Variants in TMPRSS2 observed in about 807,000 individuals in gnomAD.
TMPRSS2 encodes transmembrane protease serine 2.
In TMPRSS2, 59 loss-of-function variants were observed where a neutral mutation model predicts 67.4. The observed-to-expected ratio is 0.88, with a 90% CI of 0.71 to 1.09. TMPRSS2 has a LOEUF of 1.09. Ranked by LOEUF, TMPRSS2 falls within the 50% of genes least tolerant of loss-of-function variation. The pLI, the probability that TMPRSS2 is intolerant of heterozygous loss-of-function variation, is 0.00. For missense variants in TMPRSS2, 668 were observed against 642.7 expected (o/e 1.04, Z -0.43); for synonymous variants, 257 against 257.0 (o/e 1.00, Z 0.00).
Position 41,494,421 on chromosome 21 carries a change from G to C in TMPRSS2, c.173C>G (p.Thr58Arg), listed in dbSNP as rs770214639. 6.2e-7 allele frequency: 1 copy of C among 1,612,258 alleles called. No individual in the cohort carries two copies. The highest frequency in any genetic ancestry group is 1.1e-5 in the South Asian group (1 of 90,784). The stretch of plus-strand genomic sequence containing the variant: ...GCAGACGACGGGGTTGGAAGCCTGC[G>C]TCAGGACCCTCGGGGCGTACTGGGG... The part of the protein sequence containing the change: ...PVPQYAPRVL[T>R]QASNPVVCTQ... The change falls in exon 3 of 14, where the codon ACG becomes AGG. Residue 58 changes from threonine to arginine, a missense_variant. By Grantham distance (71) the Thr-to-Arg change is moderately conservative. Transcript: ENST00000332149.
chr21:41,499,901 C>T (rs1013164125), intron 1 of TMPRSS2, among the ~76,000 whole-genome samples: 4 of 152,104 alleles, frequency 2.6e-5, no homozygotes, highest in African/African-American at 9.7e-5. Context: ...TTTTAAGAAA[C>T]GGGGTTCAAG....
intron 1 of TMPRSS2, among the ~76,000 whole-genome samples, chr21:41,500,770 A>C (rs1020686322): frequency 1.2e-4 from 19 of 152,240 alleles, no homozygotes; most frequent in African/African-American, 4.6e-4. Context: ...AATGTATCAA[A>C]AACGTTTAAG....
intron 9 of TMPRSS2, among the ~76,000 whole-genome samples, chr21:41,472,470 G>A (rs960039529): frequency 2.0e-5 from 3 of 152,098 alleles, no homozygotes; most frequent in African/African-American, 7.2e-5. Context: ...GTGAAGAGGG[G>A]GAGAGAAGGG....
chr21:41,473,713 C>T (rs1241212703), intron 8 of TMPRSS2, among the ~76,000 whole-genome samples: 1 of 151,690 alleles, frequency 6.6e-6, no homozygotes, highest in Non-Finnish European at 1.5e-5. Context: ...TCCCTGAACA[C>T]TCCTGTGATC....
chr21:41,498,051 A>T, intron 2 of TMPRSS2, 68 bp downstream of exon 2: 5 of 1,240,254 alleles, frequency 4.0e-6, no homozygotes, highest in Non-Finnish European at 5.9e-6. Flanking sequence ...ACCCCAAACA[A>T]TGTTGGGAAT....
chr21:41,480,638 C>CT lies in TMPRSS2; in HGVS notation c.446-37dup, dbSNP rs371907426. On this transcript the variant is annotated intron_variant, in intron 5 of 13. Coordinates refer to ENST00000332149, the MANE Select transcript of TMPRSS2 (RefSeq NM_005656.4). Reference sequence around the variant, plus strand: ...GGGAGGATTATCCATGAGTTTCTTTCTTTTTTTTTCTTTTTTTTGAGACGG... The same window carrying CT: ...GGGAGGATTATCCATGAGTTTCTTTCTTTTTTTTTTCTTTTTTTTGAGACGG... The CT allele has an allele frequency of 9.1e-4, 1,447 of 1,597,580 alleles. 13 individuals are homozygous for CT. The African/African-American group carries it at 0.015, about 17-fold the overall frequency.
intron 12 of TMPRSS2, 71 bp from the exon 13 acceptor site, chr21:41,467,957 T>C (rs2091098413): frequency 1.3e-6 from 2 of 1,578,954 alleles, no homozygotes; most frequent in Admixed American, 3.4e-5. Context: ...TGACCAGGCC[T>C]AGAGGAGTTG....
chr21:41,496,929 C>T (rs949029514), intron 2 of TMPRSS2, among the ~76,000 whole-genome samples: 3 of 149,574 alleles, frequency 2.0e-5, no homozygotes, highest in African/African-American at 7.4e-5. Flanking sequence ...CAACCTCTGC[C>T]TCCCAGGTTC....
chr21:41,479,533 G>A (rs1026204245), intron 6 of TMPRSS2, among the ~76,000 whole-genome samples: 4 of 152,166 alleles, frequency 2.6e-5, no homozygotes, highest in Non-Finnish European at 4.4e-5. Context: ...AAGAAACTAT[G>A]AGAAGGACAT....
rs374542536 is a variant in TMPRSS2, at chr21:41,471,954, C to T, written c.927G>A (p.Thr309=). ...EKPLNNPWHW[T]AFAGILRQSF... ...ATTGTCTCAAAATCCCCGCAAATGC[C>T]GTCCAATGCCATGGATTGTTAAGAG... The change falls in exon 10 of 14, where the codon ACG becomes ACA. Residue 309 remains threonine (T), a synonymous_variant. Coordinates refer to ENST00000332149, the MANE Select transcript of TMPRSS2 (RefSeq NM_005656.4). 6 of 1,611,234 alleles carry T rather than the reference C, an allele frequency of 3.7e-6. No homozygotes were observed. The African/African-American group carries it at 4.0e-5, about 11-fold the overall frequency.
intron 3 of TMPRSS2, 129 bp downstream of exon 3, chr21:41,494,227 C>G (rs1048205134): frequency 3.0e-6 from 3 of 998,956 alleles, no homozygotes; most frequent in Non-Finnish European, 4.4e-6. Flanking sequence ...AGGCTGGCTC[C>G]GGAAGACGGA....
At chr21:41,500,766 T>C (rs1295674875) in intron 1 of TMPRSS2, among the ~76,000 whole-genome samples, 1 of 152,198 alleles carries the variant, frequency 6.6e-6, no homozygotes, top group Non-Finnish European at 1.5e-5. Flanking sequence ...TTAAAATGTA[T>C]CAAAAACGTT....
At chr21:41,485,374 G>A (rs1474386391) in intron 5 of TMPRSS2, among the ~76,000 whole-genome samples, 1 of 152,012 alleles carries the variant, frequency 6.6e-6, no homozygotes, top group Non-Finnish European at 1.5e-5. Context: ...CAGGCCAGGC[G>A]TGGTAGTTCA....
At chr21:41,476,504 G>GGGA (rs1555891933) in intron 8 of TMPRSS2, 73 bp downstream of exon 8, 4 of 1,473,910 alleles carry the variant, frequency 2.7e-6, no homozygotes, top group Non-Finnish European at 3.8e-6. Flanking sequence ...CAGAGACACA[G>GGGA]GGAGTACTGT....
In TMPRSS2 at chr21:41,469,288, C is replaced by G. The variant is rs542368768; in HGVS notation, c.1172-750G>C. Among the ~76,000 whole-genome samples the G allele has an allele frequency of 2.8e-5, 4 of 144,452 alleles. No homozygotes were observed. The South Asian group carries it at 8.9e-4, about 32-fold the overall frequency. 94.8% of individuals were successfully genotyped at this position (144,452 alleles called of 152,430 possible). A position where few individuals can be genotyped will look rare whatever the true frequency, so the allele number is the denominator to read the frequency against. ...CTGGTGGCTCTAGCCCTAGTGTACC[C>G]TCATCTCTTCACATCCACGCCCGCA... is the stretch of plus-strand genomic sequence containing the variant. On this transcript the variant is annotated intron_variant, in intron 11 of 13. Transcript: ENST00000332149.
rs200072801 is a variant in TMPRSS2, at chr21:41,482,175, A to G, written c.446-1573T>C. ...GACTCTAAATCAACATTCTGCTGAA[A>G]TGATCTCAGCTCTTTTATTTAAAGA... On this transcript the variant is annotated intron_variant, in intron 5 of 13. Transcript: ENST00000332149. Among the ~76,000 whole-genome samples the G allele has an allele frequency of 3.5e-4, 53 of 152,278 alleles. No homozygotes were observed. The East Asian group carries it at 9.6e-3, about 28-fold the overall frequency.
At chr21:41,495,626 CAAAA>C (rs11336247) in intron 2 of TMPRSS2, among the ~76,000 whole-genome samples, 2 of 128,352 alleles carry the variant, frequency 1.6e-5, no homozygotes. Context: ...ACTCCCGTCT[CAAAA>C]AAAAAAAAAA....
intron 5 of TMPRSS2, chr21:41,487,852 G>A (rs1187975079): frequency 6.6e-6 from 1 of 152,508 alleles, no homozygotes; most frequent in Non-Finnish European, 1.5e-5. Flanking sequence ...GAATGCAGTG[G>A]CGTGATCTCA....
At position 41,470,658 on chromosome 21, in the gene TMPRSS2, G is replaced by A. The variant is rs146132415; in HGVS notation, c.1161C>T (p.Thr387=). Residue 387 remains threonine, a synonymous_variant, in exon 11 of 14, where the codon ACC becomes ACT. Transcript: ENST00000332149. ...QLCWISGWGA[T]EEKGKTSEVL... ...CAGGAGCAGCCTCACCTTTCTCCTC[G>A]GTGGCCCCCCACCCGGAAATCCAGC... 1.6e-4 allele frequency: 265 copies of A among 1,613,328 alleles called. 1 individual carries two copies. In the Admixed American group the frequency reaches 2.0e-3, roughly 12 times the overall value.
Sources: gnomAD v4.1 joint callset for allele counts (sites outside exome capture counted in the v4.1 genomes callset) on GRCh38, gnomAD v4.1.1 for gene constraint, MANE v1.5 for transcripts, NCBI Gene and HGNC (gene_info 2026-07-23, HGNC 2026-07-21) for gene names.